ATXN7L1: variants seen among roughly 807,000 people sequenced by gnomAD.
ATXN7L1 encodes ataxin-7-like protein 1.
In ATXN7L1, 15 loss-of-function variants were observed where a neutral mutation model predicts 70.8. The ratio of observed to expected loss-of-function variants is 0.21; its 90% CI spans 0.14 to 0.33. ATXN7L1 has a LOEUF of 0.33. Ranked by LOEUF, ATXN7L1 falls within the 10% of genes least tolerant of loss-of-function variation. The pLI is 1.00. For synonymous variants in ATXN7L1, 440 were observed against 445.1 expected, an observed-to-expected ratio of 0.99 and a Z score of 0.14; for missense variants, 975 against 1,097.1, an observed-to-expected ratio of 0.89 and a Z score of 1.57.
At chr7:105,767,330 T>C (rs1472979389) in intron 3 of ATXN7L1, among the ~76,000 whole-genome samples, 4 of 152,020 alleles carry the variant, frequency 2.6e-5, no homozygotes, top group Non-Finnish European at 5.9e-5. Context: ...CGGCCCTCCA[T>C]AAGCCCCTAT....
chr7:105,848,741 G>A (rs901245307), intron 2 of ATXN7L1, among the ~76,000 whole-genome samples: 2 of 152,164 alleles, frequency 1.3e-5, no homozygotes, highest in African/African-American at 4.8e-5. Flanking sequence ...TGAAGAAAAA[G>A]CATCATTAAA....
intron 3 of ATXN7L1, among the ~76,000 whole-genome samples, chr7:105,708,861 G>A (rs567044530): frequency 2.0e-4 from 31 of 152,204 alleles, no homozygotes; most frequent in East Asian, 7.7e-4. Flanking sequence ...ATAGTCACGC[G>A]CCCTATTTGT....
At chr7:105,850,918 C>T (rs1021766097) in intron 2 of ATXN7L1, among the ~76,000 whole-genome samples, 5 of 152,158 alleles carry the variant, frequency 3.3e-5, no homozygotes, top group African/African-American at 1.2e-4. Flanking sequence ...TCTCTGCCCC[C>T]AGGATATGTC....
In ATXN7L1 at chr7:105,714,611, C is replaced by T. The variant is rs1284992682; in HGVS notation, c.356-49323G>A. 3.3e-5 allele frequency among the ~76,000 whole-genome samples: 5 copies of T among 152,270 alleles called. No individual in the cohort carries two copies. The South Asian group carries it at 6.2e-4, about 19-fold the overall frequency. ...GGGACAGGGAGGTACTCAGAGCTCT[C>T]ATATACCTCTGGGCAGAAGAGCTAA... On this transcript the variant is annotated intron_variant, in intron 3 of 11. Coordinates refer to ENST00000419735, the MANE Select transcript of ATXN7L1 (RefSeq NM_020725.2).
chr7:105,851,628 T>TC (rs1776653024), intron 2 of ATXN7L1, among the ~76,000 whole-genome samples: 1 of 152,058 alleles, frequency 6.6e-6, no homozygotes, highest in African/African-American at 2.4e-5. Context: ...CGTGTTTCCA[T>TC]CCCCCTCCCA....
chr7:105,715,054 A>G (rs1027488467), intron 3 of ATXN7L1, among the ~76,000 whole-genome samples: 2 of 152,150 alleles, frequency 1.3e-5, no homozygotes, highest in East Asian at 3.9e-4. Context: ...AAGGCTGTCC[A>G]TGTCACCCAT....
chr7:105,765,234 T>TGA (rs1035757838), intron 3 of ATXN7L1, among the ~76,000 whole-genome samples: 2 of 151,058 alleles, frequency 1.3e-5, no homozygotes, highest in African/African-American at 4.9e-5. Flanking sequence ...CTCAGGAGGC[T>TGA]GAGGCAGGAG....
At chr7:105,622,213 C>T (rs1384740757) in intron 8 of ATXN7L1, among the ~76,000 whole-genome samples, 1 of 152,208 alleles carries the variant, frequency 6.6e-6, no homozygotes, top group African/African-American at 2.4e-5. Context: ...ATCAGCAAAA[C>T]ATTAAGGGCA....
chr7:105,673,682 G>A (rs775687502), intron 3 of ATXN7L1, among the ~76,000 whole-genome samples: 1 of 152,170 alleles, frequency 6.6e-6, no homozygotes, highest in Non-Finnish European at 1.5e-5. Context: ...TGGCACCTTG[G>A]CACTGGGAGC....
intron 3 of ATXN7L1, among the ~76,000 whole-genome samples, chr7:105,778,074 A>T (rs934648067): frequency 6.6e-6 from 1 of 152,250 alleles, no homozygotes; most frequent in African/African-American, 2.4e-5. Flanking sequence ...AGTGCCTGGC[A>T]TATAGCAGGT....
chr7:105,845,204 C>CAAAAAAAAAAAA (rs3057532), intron 2 of ATXN7L1, among the ~76,000 whole-genome samples: 1 of 62,990 alleles, frequency 1.6e-5, no homozygotes. Context: ...AACTCTGTCT[C>CAAAAAAAAAAAA]AAAAAAAAAA....
chr7:105,624,386 T>C, intron 7 of ATXN7L1, 119 bp from the exon 8 acceptor site: 1 of 1,037,602 alleles, frequency 9.6e-7, no homozygotes, highest in African/African-American at 1.7e-5. Context: ...GTTCGGTGGC[T>C]CACGCCTGTA....
At chr7:105,822,094 G>A (rs1443883294) in intron 2 of ATXN7L1, among the ~76,000 whole-genome samples, 1 of 152,186 alleles carries the variant, frequency 6.6e-6, no homozygotes, top group Non-Finnish European at 1.5e-5. Flanking sequence ...AATTCTTCAA[G>A]TCTTAGGAAC....
At position 105,677,241 on chromosome 7, in the gene ATXN7L1, T is replaced by C. The variant is rs115534640; in HGVS notation, c.356-11953A>G. ...CACTGGAAATGCCGACCAAACATGC[T>C]GTCTTTGGAATCAGAAAGATCTGGG... On this transcript the variant is annotated intron_variant, in intron 3 of 11. Coordinates refer to ENST00000419735, the MANE Select transcript of ATXN7L1 (RefSeq NM_020725.2). Among the ~76,000 whole-genome samples the C allele has an allele frequency of 7.8e-3, 1,188 of 152,342 alleles. 18 individuals are homozygous for C. Among genetic ancestry groups the C allele is most frequent in the African/African-American group, 0.027 (1,138 of 41,574 alleles).
chr7:105,771,098 G>A (rs958801916), intron 3 of ATXN7L1, among the ~76,000 whole-genome samples: 2 of 151,946 alleles, frequency 1.3e-5, no homozygotes, highest in African/African-American at 4.8e-5. Flanking sequence ...TATTCAAGAG[G>A]CTGAGGCAGG....
At chr7:105,697,412 G>T (rs777605722) in intron 3 of ATXN7L1, among the ~76,000 whole-genome samples, 4 of 152,322 alleles carry the variant, frequency 2.6e-5, no homozygotes, top group Middle Eastern at 3.4e-3. Flanking sequence ...TCTCCCATTT[G>T]CTTTTGAAAG....
At position 105,818,657 on chromosome 7, in the gene ATXN7L1, C is replaced by T. The variant is rs77689646; in HGVS notation, c.251-29949G>A. Among the ~76,000 whole-genome samples the T allele has an allele frequency of 8.2e-3, 1,241 of 152,210 alleles. 19 individuals are homozygous for T. Among genetic ancestry groups the T allele is most frequent in the African/African-American group, 0.028 (1,181 of 41,526 alleles). ...TTAAGATAATTCAGAAAAGGAAGTC[C>T]CCAAAAGTTTGGGCACTACTGGGTA... is the stretch of plus-strand genomic sequence containing the variant. On this transcript the variant is annotated intron_variant, in intron 2 of 11. Coordinates refer to ENST00000419735, the MANE Select transcript of ATXN7L1 (RefSeq NM_020725.2).
chr7:105,646,094 T>A (rs2115949272), intron 4 of ATXN7L1, among the ~76,000 whole-genome samples: 1 of 151,844 alleles, frequency 6.6e-6, no homozygotes, highest in Non-Finnish European at 1.5e-5. Flanking sequence ...GGAGGATTGC[T>A]TGAGCCTAGG....
chr7:105,776,432 G>A (rs1199716301), intron 3 of ATXN7L1, among the ~76,000 whole-genome samples: 1 of 151,852 alleles, frequency 6.6e-6, no homozygotes, highest in Non-Finnish European at 1.5e-5. Context: ...CTTCCTTGCT[G>A]GCTTCCTTCC....
Sources: gnomAD v4.1 joint callset for allele counts (sites outside exome capture counted in the v4.1 genomes callset) on GRCh38, gnomAD v4.1.1 for gene constraint, MANE v1.5 for transcripts, NCBI Gene and HGNC (gene_info 2026-07-23, HGNC 2026-07-21) for gene names.